Variants in KCND2 observed in about 807,000 individuals in gnomAD.
KCND2 encodes the protein A-type voltage-gated potassium channel KCND2.
A neutral mutation model predicts 54.4 loss-of-function variants in KCND2; 16 were observed. The observed-to-expected ratio is 0.29, with a 90% confidence interval of 0.20 to 0.45. KCND2 has a LOEUF of 0.45. KCND2 is among the 20% of genes least tolerant of loss of function. The probability of loss-of-function intolerance (pLI) is 1.00; values close to 1 mark genes in which losing one functional copy is unlikely to be tolerated. For synonymous variants in KCND2, 317 were observed against 310.7 expected, an observed-to-expected ratio of 1.02 and a Z score of -0.21; for missense variants, 486 against 824.2, an observed-to-expected ratio of 0.59 and a Z score of 5.02.
Position 120,309,450 on chromosome 7 carries a change from A to AAC in KCND2, c.1115+33705_1115+33706dup, listed in dbSNP as rs1563004411. Among the ~76,000 whole-genome samples, 5 of 28,280 alleles carry AAC rather than the reference A, an allele frequency of 1.8e-4. No homozygotes were observed. In the Admixed American group the frequency reaches 3.1e-3, roughly 17 times the overall value. 18.6% of individuals were successfully genotyped at this position (28,280 alleles called of 152,430 possible). ...GGTAAATAGTTTAAATATAATAGAAAACATATATATATATATATATATATA... is the reference window on the plus strand; with the variant it reads ...GGTAAATAGTTTAAATATAATAGAAAACACATATATATATATATATATATATA... On this transcript the variant is annotated intron_variant, in intron 1 of 5. Coordinates refer to ENST00000331113, the MANE Select transcript of KCND2 (RefSeq NM_012281.3).
chr7:120,339,168 G>A (rs1399290300), intron 1 of KCND2, among the ~76,000 whole-genome samples: 1 of 151,628 alleles, frequency 6.6e-6, no homozygotes, highest in Non-Finnish European at 1.5e-5. Flanking sequence ...TGGGATTACA[G>A]GTGTGAGCCA....
At chr7:120,523,704 C>G (rs28520025) in intron 1 of KCND2, among the ~76,000 whole-genome samples, 4,218 of 137,180 alleles carry the variant, frequency 0.031, 233 homozygotes, top group African/African-American at 0.1. Context: ...CACACACACT[C>G]TGTGTGTGTG....
intron 1 of KCND2, among the ~76,000 whole-genome samples, chr7:120,351,914 C>T (rs1800413998): frequency 6.6e-6 from 1 of 151,766 alleles, no homozygotes; most frequent in Non-Finnish European, 1.5e-5. Flanking sequence ...CGGGTTCAAG[C>T]AATTCTCCTG....
chr7:120,449,289 A>G (rs1347149931), intron 1 of KCND2, among the ~76,000 whole-genome samples: 1 of 151,006 alleles, frequency 6.6e-6, no homozygotes, highest in African/African-American at 2.5e-5. Context: ...AGATCACGCC[A>G]CTGCACTCCA....
intron 1 of KCND2, among the ~76,000 whole-genome samples, chr7:120,365,958 G>T (rs1300318515): frequency 2.0e-5 from 3 of 152,062 alleles, no homozygotes; most frequent in African/African-American, 4.8e-5. Context: ...ACAAACTTTA[G>T]TTAAAATGTT....
chr7:120,572,412 T>C (rs1255856390), intron 1 of KCND2, among the ~76,000 whole-genome samples: 1 of 152,168 alleles, frequency 6.6e-6, no homozygotes, highest in African/African-American at 2.4e-5. Context: ...TTTTTTATGG[T>C]TTATTACTTA....
At chr7:120,537,446 C>A (rs1349779932) in intron 1 of KCND2, among the ~76,000 whole-genome samples, 2 of 152,170 alleles carry the variant, frequency 1.3e-5, no homozygotes, top group East Asian at 1.9e-4. Context: ...ACATTGGCTT[C>A]AAATGAAGTC....
chr7:120,394,166 G>A (rs928968499), intron 1 of KCND2, among the ~76,000 whole-genome samples: 12 of 151,956 alleles, frequency 7.9e-5, no homozygotes, highest in Non-Finnish European at 1.6e-4. Flanking sequence ...TACAAGGCTG[G>A]CCACATAGAA....
chr7:120,510,649 C>T (rs910486970), intron 1 of KCND2, among the ~76,000 whole-genome samples: 1 of 152,028 alleles, frequency 6.6e-6, no homozygotes, highest in Non-Finnish European at 1.5e-5. Context: ...CACAGATTCT[C>T]TACCTAAGGA....
intron 1 of KCND2, among the ~76,000 whole-genome samples, chr7:120,397,922 T>C (rs1801177572): frequency 6.7e-6 from 1 of 149,664 alleles, no homozygotes; most frequent in Non-Finnish European, 1.5e-5. Context: ...CAAGGACTTG[T>C]ACAATTTTGA....
intron 1 of KCND2, among the ~76,000 whole-genome samples, chr7:120,354,909 A>T (rs747457789): frequency 6.6e-6 from 1 of 152,236 alleles, no homozygotes; most frequent in African/African-American, 2.4e-5. Context: ...TTCAGCTTTG[A>T]TAAGTATCTA....
At chr7:120,539,233 A>G (rs1466173755) in intron 1 of KCND2, among the ~76,000 whole-genome samples, 3 of 152,160 alleles carry the variant, frequency 2.0e-5, no homozygotes, top group Non-Finnish European at 4.4e-5. Context: ...GAACAATTAA[A>G]TCCTAGTATT....
chr7:120,284,325 C>T lies in KCND2; in HGVS notation c.1115+8578C>T, dbSNP rs149422499. On this transcript the variant is annotated intron_variant, in intron 1 of 5. Coordinates refer to ENST00000331113, the MANE Select transcript of KCND2 (RefSeq NM_012281.3). ...CACACACACGCGCGCACACTCCAAC[C>T]ATTCGCTGGTTTCCTTTCGTCATGC... 4.6e-4 allele frequency among the ~76,000 whole-genome samples: 70 copies of T among 152,116 alleles called. 1 individual carries two copies. The highest frequency in any genetic ancestry group is 1.6e-3 in the African/African-American group (67 of 41,518).
chr7:120,747,964 G>T lies in KCND2; in HGVS notation c.*106G>T. 1 of 936,210 alleles carries T rather than the reference G, an allele frequency of 1.1e-6. No individual in the cohort carries two copies. The highest frequency in any genetic ancestry group is 1.7e-6 in the Non-Finnish European group (1 of 603,570). The allele number at this position is 936,210 out of a possible 1,614,324, so 58.0% of individuals were successfully genotyped here. A position where few individuals can be genotyped will look rare whatever the true frequency, so the allele number is the denominator to read the frequency against. ...ATATTCTGCAGATTAATGCAGCAAA[G>T]AAAGAAGGTTGGTAGTGAAACACAA... On this transcript the variant is annotated 3_prime_UTR_variant, in exon 6 of 6. Coordinates refer to ENST00000331113, the MANE Select transcript of KCND2 (RefSeq NM_012281.3).
intron 1 of KCND2, among the ~76,000 whole-genome samples, chr7:120,527,723 T>C (rs1336091750): frequency 6.6e-6 from 1 of 152,164 alleles, no homozygotes; most frequent in Non-Finnish European, 1.5e-5. Context: ...TTCATGTACA[T>C]TTTAAAGAAA....
At chr7:120,702,052 G>T (rs1307074873) in intron 1 of KCND2, among the ~76,000 whole-genome samples, 1 of 151,972 alleles carries the variant, frequency 6.6e-6, no homozygotes, top group Non-Finnish European at 1.5e-5. Context: ...CAAAAACTAT[G>T]TACCTGACAA....
At chr7:120,720,957 A>G (rs930432762) in intron 1 of KCND2, among the ~76,000 whole-genome samples, 2 of 152,214 alleles carry the variant, frequency 1.3e-5, no homozygotes, top group East Asian at 3.9e-4. Context: ...GAGCATACGA[A>G]GAGAAGTAAG....
intron 1 of KCND2, among the ~76,000 whole-genome samples, chr7:120,539,387 G>T (rs1313162953): frequency 6.6e-6 from 1 of 152,172 alleles, no homozygotes; most frequent in Admixed American, 6.5e-5. Flanking sequence ...TGGTCAGTTT[G>T]CTGATTTCTT....
chr7:120,330,071 G>C (rs1800040488), intron 1 of KCND2, among the ~76,000 whole-genome samples: 1 of 152,054 alleles, frequency 6.6e-6, no homozygotes. Flanking sequence ...AGGATGTATA[G>C]AATAATCAAT....
Sources: gnomAD v4.1 joint callset for allele counts (sites outside exome capture counted in the v4.1 genomes callset) on GRCh38, gnomAD v4.1.1 for gene constraint, MANE v1.5 for transcripts, NCBI Gene and HGNC (gene_info 2026-07-23, HGNC 2026-07-21) for gene names.